The following BPTF variants were observed in gnomAD, a reference collection of about 807,000 sequenced individuals.
BPTF encodes the protein nucleosome-remodeling factor subunit BPTF.
In BPTF, 18 loss-of-function variants were observed where a neutral mutation model predicts 292.5. The ratio of observed to expected loss-of-function variants is 0.06; its 90% confidence interval spans 0.04 to 0.09. The LOEUF (loss-of-function observed/expected upper bound fraction) is 0.09, where lower values mean the gene tolerates loss of function less well. BPTF is among the 10% of genes least tolerant of loss of function. The pLI is 1.00. For missense variants in BPTF, 2,726 were observed against 3,498.7 expected, an observed-to-expected ratio of 0.78 and a Z score of 5.57; for synonymous variants, 1,225 against 1,251.9, an observed-to-expected ratio of 0.98 and a Z score of 0.45.
Position 67,983,644 on chromosome 17 carries a change from G to T in BPTF, c.*1356G>T, listed in dbSNP as rs1481208487. ...TTTCCTTTCAGTGTTCTTACACGTT[G>T]TATCACTGCATTGTGGTAATAGCTT... On this transcript the variant is annotated 3_prime_UTR_variant, in exon 28 of 28. Coordinates refer to ENST00000306378, the MANE Select transcript of BPTF (RefSeq NM_182641.4). 1 of 152,384 alleles carries T rather than the reference G, an allele frequency of 6.6e-6. No individual in the cohort carries two copies. The highest frequency in any genetic ancestry group is 2.1e-4 in the South Asian group (1 of 4,832). The allele number at this position is 152,384 out of a possible 1,614,324, so 9.4% of individuals were successfully genotyped here. A position where few individuals can be genotyped will look rare whatever the true frequency, so the allele number is the denominator to read the frequency against.
At position 67,866,499 on chromosome 17, in the gene BPTF, T is replaced by G; in HGVS notation, c.1472T>G (p.Ile491Ser). ...EDTENENEKK[I>S]WYYSTKVQLA... is the part of the protein sequence containing the mutation. ...ACAGAAAATGAAAATGAAAAGAAAA[T>G]TTGGTATTACAGCACAAAGGTCCAA... The change falls in exon 3 of 28, where the codon ATT becomes AGT. Residue 491 changes from isoleucine to serine, a missense_variant. Ile to Ser is a moderately radical substitution (Grantham distance 142). Transcript: ENST00000306378. The G allele has an allele frequency of 1.9e-6, 3 of 1,613,488 alleles. No individual in the cohort carries two copies. The highest frequency in any genetic ancestry group is 2.5e-6 in the Non-Finnish European group (3 of 1,179,506).
chr17:67,918,591 T>C (rs1256962508), intron 11 of BPTF, 123 bp from the exon 12 acceptor site: 4 of 827,374 alleles, frequency 4.8e-6, no homozygotes, highest in Admixed American at 6.4e-5. Context: ...AACCATATTA[T>C]AAATACTGGA....
At chr17:67,843,678 G>A (rs1046277807) in intron 1 of BPTF, among the ~76,000 whole-genome samples, 2 of 148,386 alleles carry the variant, frequency 1.3e-5, no homozygotes, top group South Asian at 4.2e-4. Flanking sequence ...CTTTACTATA[G>A]AGCAGTTCTA....
chr17:67,946,914 A>G (rs1486294884), intron 21 of BPTF, among the ~76,000 whole-genome samples: 11 of 152,246 alleles, frequency 7.2e-5, no homozygotes, highest in African/African-American at 2.4e-4. Flanking sequence ...ATCTGATAAC[A>G]TTACTGGCAG....
At chr17:67,860,746 A>G (rs902344569) in intron 2 of BPTF, among the ~76,000 whole-genome samples, 2 of 152,190 alleles carry the variant, frequency 1.3e-5, no homozygotes, top group African/African-American at 4.8e-5. Context: ...TTTTGCAGAG[A>G]CAGAGTCTCA....
intron 10 of BPTF, 55 bp from the exon 11 acceptor site, chr17:67,910,821 TA>T: frequency 1.7e-6 from 2 of 1,209,270 alleles, no homozygotes; most frequent in Non-Finnish European, 2.2e-6. Flanking sequence ...TATATATATA[TA>T]AATTCCTCCT....
At chr17:67,885,601 A>T (rs887564707) in intron 4 of BPTF, among the ~76,000 whole-genome samples, 6 of 152,286 alleles carry the variant, frequency 3.9e-5, no homozygotes, top group African/African-American at 1.2e-4. Context: ...AAAAGAAGTT[A>T]ACAATCGCAT....
chr17:67,850,061 AC>A (rs1211405474), intron 1 of BPTF, among the ~76,000 whole-genome samples: 2 of 152,234 alleles, frequency 1.3e-5, no homozygotes, highest in Admixed American at 1.3e-4. Flanking sequence ...GTATTTACTT[AC>A]GTAGAAATCA....
At position 67,911,798 on chromosome 17, in the gene BPTF, A is replaced by T. The variant is rs79076582; in HGVS notation, c.3914A>T (p.Asp1305Val). 6.2e-6 allele frequency: 10 copies of T among 1,614,112 alleles called. No homozygotes were observed. The highest frequency in any genetic ancestry group is 2.7e-5 in the African/African-American group (2 of 74,950). Residue 1305 changes from aspartate to valine, a missense_variant, in exon 11 of 28, where the codon GAT (aspartate) becomes GTT (valine). Asp to Val is a radical substitution (Grantham distance 152). Coordinates refer to ENST00000306378, the MANE Select transcript of BPTF (RefSeq NM_182641.4). ...TVSIQDSSEEDMIVQNSNESI... is the reference protein window; with the variant it reads ...TVSIQDSSEEVMIVQNSNESI... ...TCTATTCAGGATAGCAGTGAAGAAGATATGATTGTTCAGAATAGCAATGAA... is the reference window on the plus strand; with the variant it reads ...TCTATTCAGGATAGCAGTGAAGAAGTTATGATTGTTCAGAATAGCAATGAA...
chr17:67,920,215 A>G, intron 13 of BPTF, 72 bp downstream of exon 13: 1 of 1,511,254 alleles, frequency 6.6e-7, no homozygotes, highest in Non-Finnish European at 9.0e-7. Context: ...AATTTGATAT[A>G]ATTTTTTCTT....
intron 18 of BPTF, among the ~76,000 whole-genome samples, chr17:67,937,885 C>T (rs1268861606): frequency 2.0e-5 from 3 of 152,178 alleles, no homozygotes; most frequent in Admixed American, 6.5e-5. Context: ...GAGGCCAAGG[C>T]GGGCGGATCA....
chr17:67,920,161 A>T lies in BPTF; in HGVS notation c.5557+18A>T. On this transcript the variant is annotated intron_variant, in intron 13 of 27. Coordinates refer to ENST00000306378, the MANE Select transcript of BPTF (RefSeq NM_182641.4). ...ACCAAAAGGTAAGAAATAGAATTCT[A>T]TTCTTTCATGATTAACCTGTTAACC... 1 of 1,603,606 alleles carries T rather than the reference A, an allele frequency of 6.2e-7. No homozygotes were observed. The highest frequency in any genetic ancestry group is 8.5e-7 in the Non-Finnish European group (1 of 1,173,428).
At chr17:67,977,472 G>A (rs1456507631) in intron 27 of BPTF, among the ~76,000 whole-genome samples, 2 of 151,756 alleles carry the variant, frequency 1.3e-5, no homozygotes, top group African/African-American at 2.4e-5. Flanking sequence ...CTGAGATTGC[G>A]CCACTGCATT....
chr17:67,877,567 T>C (rs2060124754), intron 4 of BPTF, among the ~76,000 whole-genome samples: 1 of 152,248 alleles, frequency 6.6e-6, no homozygotes. Context: ...TTAAAACTTA[T>C]CGACAAAAGA....
intron 27 of BPTF, among the ~76,000 whole-genome samples, chr17:67,979,707 G>A (rs1420138031): frequency 3.3e-5 from 5 of 152,018 alleles, no homozygotes; most frequent in African/African-American, 1.2e-4. Flanking sequence ...GCCATAGCAG[G>A]GCTTAAACAA....
intron 1 of BPTF, among the ~76,000 whole-genome samples, chr17:67,832,142 C>A (rs1425345974): frequency 6.6e-6 from 1 of 152,074 alleles, no homozygotes; most frequent in Admixed American, 6.6e-5. Flanking sequence ...CCTGCCTCAG[C>A]CTCCCAAAGT....
intron 7 of BPTF, among the ~76,000 whole-genome samples, chr17:67,895,247 C>G (rs1252170430): frequency 7.0e-6 from 1 of 141,988 alleles, no homozygotes; most frequent in Non-Finnish European, 1.5e-5. Context: ...GCAGGAGAAT[C>G]ACTTTAACTC....
At chr17:67,934,307 C>G (rs1219136219) in intron 18 of BPTF, among the ~76,000 whole-genome samples, 2 of 151,926 alleles carry the variant, frequency 1.3e-5, no homozygotes, top group African/African-American at 4.8e-5. Context: ...CACCTGAGGT[C>G]AGGAGTTCGA....
intron 4 of BPTF, chr17:67,875,832 CTA>C (rs2145772638): frequency 5.3e-6 from 6 of 1,132,074 alleles, no homozygotes; most frequent in East Asian, 6.2e-5. Context: ...AAACCTTAAA[CTA>C]TGTGTTCATT....
Sources: allele counts gnomAD v4.1 joint callset (sites outside exome capture counted in the v4.1 genomes callset), GRCh38; gene constraint gnomAD v4.1.1; transcripts MANE v1.5; gene names NCBI Gene and HGNC (gene_info 2026-07-23, HGNC 2026-07-21).